LBHD1: variants seen among roughly 807,000 people sequenced by gnomAD.
The protein encoded by LBHD1 is LBH domain containing 1.
A neutral mutation model predicts 31.1 loss-of-function variants in LBHD1; 28 were observed. The ratio of observed to expected loss-of-function variants is 0.90; its 90% CI spans 0.67 to 1.24. The LOEUF (loss-of-function observed/expected upper bound fraction) is 1.24, where lower values mean the gene tolerates loss of function less well. Among genes scored for constraint, LBHD1 ranks in the 50% most tolerant of loss-of-function variants. LBHD1 has a pLI of 0.00. For missense variants in LBHD1, 350 were observed against 323.0 expected (o/e 1.08, Z -0.64); for synonymous variants, 105 against 116.5 (o/e 0.90, Z 0.63).
At chr11:62,666,079 G>A in intron 4 of LBHD1, 1 of 1,067,172 alleles carries the variant, frequency 9.4e-7, no homozygotes, top group East Asian at 2.6e-5. Flanking sequence ...CGTGCGTGGT[G>A]GCTCACGGCT....
intron 4 of LBHD1, chr11:62,665,345 T>C (rs559826678): frequency 1.2e-6 from 1 of 805,712 alleles, no homozygotes; most frequent in South Asian, 1.6e-5. Context: ...AAGTGTGGTT[T>C]TAGCTGTAGT....
chr11:62,666,766 GA>G, intron 4 of LBHD1: 1 of 1,614,204 alleles, frequency 6.2e-7, no homozygotes, highest in Non-Finnish European at 8.5e-7. Context: ...CCGATGCTCA[GA>G]ACCTGGGGGC....
At chr11:62,665,217 G>A (rs1944763001) in intron 4 of LBHD1, 2 of 785,418 alleles carry the variant, frequency 2.5e-6, no homozygotes, top group African/African-American at 1.7e-5. Flanking sequence ...GCTCAGCGCC[G>A]GATCCGCGGG....
chr11:62,668,954 A>C (rs1944889882), intron 3 of LBHD1, among the ~76,000 whole-genome samples: 1 of 151,828 alleles, frequency 6.6e-6, no homozygotes, highest in Admixed American at 6.6e-5. Context: ...TTTGAGGCAG[A>C]ATCTGGCTCT....
chr11:62,666,097 T>A, intron 4 of LBHD1: 2 of 957,034 alleles, frequency 2.1e-6, no homozygotes, highest in Non-Finnish European at 3.1e-6. Flanking sequence ...GCTGTAATGC[T>A]AACACTTTGC....
At chr11:62,667,903 ACTCT>A in intron 3 of LBHD1, 156 bp from the exon 4 acceptor site, 1 of 601,920 alleles carries the variant, frequency 1.7e-6, no homozygotes, top group Non-Finnish European at 2.9e-6. Context: ...GACACCCCTA[ACTCT>A]ACAAAAACAA....
intron 4 of LBHD1, chr11:62,665,545 T>A: frequency 1.3e-6 from 2 of 1,568,756 alleles, no homozygotes; most frequent in Non-Finnish European, 1.7e-6. Context: ...CATCCGCTGG[T>A]TCTATCCTCA....
intron 4 of LBHD1, chr11:62,666,990 A>G: frequency 6.2e-7 from 1 of 1,614,082 alleles, no homozygotes. Flanking sequence ...GTGACTGTGC[A>G]GGAGCTAGGC....
At chr11:62,665,036 C>T (rs898232840) in intron 4 of LBHD1, 63 bp from the exon 5 acceptor site, 1 of 1,596,752 alleles carries the variant, frequency 6.3e-7, no homozygotes, top group African/African-American at 1.3e-5. Context: ...GCCCCTCCAC[C>T]AGGCAGCCCC....
At chr11:62,665,022 CG>C in intron 4 of LBHD1, 49 bp from the exon 5 acceptor site, 2 of 1,600,656 alleles carry the variant, frequency 1.2e-6, no homozygotes, top group Non-Finnish European at 8.5e-7. Flanking sequence ...CGCCGCGACC[CG>C]GGGCCCCTCC....
In LBHD1 at chr11:62,671,946, C is replaced by G. The variant is rs1306765820; in HGVS notation, c.-393G>C. ...GAGCTCCTGCGAACTCCCCTTCCTG[C>G]CCTCAGGAGATGCCACTGCAGGACC... On this transcript the variant is annotated 5_prime_UTR_variant, in exon 1 of 7. Coordinates refer to ENST00000354588, the MANE Select transcript of LBHD1 (RefSeq NM_024099.5). 6.2e-7 allele frequency: 1 copy of G among 1,613,882 alleles called. No homozygotes were observed. The highest frequency in any genetic ancestry group is 1.7e-5 in the Admixed American group (1 of 59,996).
chr11:62,671,436 A>T, intron 1 of LBHD1, 128 bp downstream of exon 1: 1 of 1,283,694 alleles, frequency 7.8e-7, no homozygotes, highest in Non-Finnish European at 1.0e-6. Flanking sequence ...CAATCATAAA[A>T]CCCACGGCAA....
In LBHD1 at chr11:62,671,712, T is replaced by C; in HGVS notation, c.-159A>G. 1 of 1,608,450 alleles carries C rather than the reference T, an allele frequency of 6.2e-7. No homozygotes were observed. The highest frequency in any genetic ancestry group is 1.1e-5 in the South Asian group (1 of 90,890). On this transcript the variant is annotated 5_prime_UTR_variant, in exon 1 of 7. Transcript: ENST00000354588. ...GCAACAGCTTGCGGCTGCGGGGAGC[T>C]CCCGTGGGCGCTCCGCTGGCTGTGC...
intron 1 of LBHD1, chr11:62,671,240 C>A (rs921540221): frequency 2.1e-6 from 1 of 465,942 alleles, no homozygotes. Context: ...TAACTATTAC[C>A]CATTTCTCCA....
intron 4 of LBHD1, 118 bp downstream of exon 4, chr11:62,667,405 A>T: frequency 9.9e-7 from 1 of 1,011,678 alleles, no homozygotes; most frequent in Non-Finnish European, 1.5e-6. Context: ...TGTATAATCT[A>T]GTGGCCTAAC....
rs1399483428 is a variant in LBHD1 at position 62,667,620 on chromosome 11, G to A, written c.441C>T (p.Ala147=). 7.4e-6 allele frequency: 12 copies of A among 1,614,112 alleles called. No homozygotes were observed. The highest frequency in any genetic ancestry group is 5.0e-5 in the Admixed American group (3 of 59,998). The change falls in exon 4 of 7, where the codon GCC becomes GCT. Residue 147 remains alanine, a synonymous_variant. Coordinates refer to ENST00000354588, the MANE Select transcript of LBHD1 (RefSeq NM_024099.5). The part of the protein sequence containing the change: ...WILEDTACLE[A]TNHCPFWDST... Reference sequence around the variant, plus strand: ...AGTCCCAGAAGGGACAGTGGTTGGTGGCTTCCAGACATGCTGTGTCCTCAA... The same window carrying A: ...AGTCCCAGAAGGGACAGTGGTTGGTAGCTTCCAGACATGCTGTGTCCTCAA...
rs1335795764 is a variant in LBHD1, at chr11:62,665,173, C to A, written c.539-200G>T. The A allele has an allele frequency of 4.7e-6, 4 of 850,988 alleles. No homozygotes were observed. In the East Asian group the frequency reaches 1.1e-4, roughly 22 times the overall value. 52.7% of individuals were successfully genotyped at this position (850,988 alleles called of 1,614,324 possible). Reference sequence around the variant, plus strand: ...TCTTTCCCCCCGGAGCTCCCATAGTCGCGATTCCACTCCAGTTCACGGTCC... The same window carrying A: ...TCTTTCCCCCCGGAGCTCCCATAGTAGCGATTCCACTCCAGTTCACGGTCC... On this transcript the variant is annotated intron_variant, in intron 4 of 6. Coordinates refer to ENST00000354588, the MANE Select transcript of LBHD1 (RefSeq NM_024099.5).
At chr11:62,667,444 AAGG>A in intron 4 of LBHD1, 76 bp downstream of exon 4, 1 of 1,454,690 alleles carries the variant, frequency 6.9e-7, no homozygotes. Context: ...TCACCTGTAA[AAGG>A]AGATTGTAAG....
In LBHD1 at chr11:62,663,026, T is replaced by G; in HGVS notation, c.*103A>C. 7.6e-5 allele frequency: 116 copies of G among 1,527,222 alleles called. No individual in the cohort carries two copies. Among genetic ancestry groups the G allele is most frequent in the Non-Finnish European group, 9.5e-5 (105 of 1,109,426 alleles). 94.6% of individuals were successfully genotyped at this position (1,527,222 alleles called of 1,614,324 possible). A position where few individuals can be genotyped will look rare whatever the true frequency, so the allele number is the denominator to read the frequency against. ...ACTGAGTCTGAAGGCTGGCTCCAGT[T>G]GAGAATCTTCTAGTGGAAGAGGTTT... is the stretch of plus-strand genomic sequence containing the variant. On this transcript the variant is annotated 3_prime_UTR_variant, in exon 7 of 7. Transcript: ENST00000354588.
Sources: allele counts gnomAD v4.1 joint callset (sites outside exome capture counted in the v4.1 genomes callset), GRCh38; gene constraint gnomAD v4.1.1; transcripts MANE v1.5; gene names NCBI Gene and HGNC (gene_info 2026-07-23, HGNC 2026-07-21).